ATXN10: variants seen among roughly 807,000 people sequenced by gnomAD.
The protein encoded by ATXN10 is ataxin-10.
ATXN10 carries 28 observed loss-of-function variants against 52.9 expected under a neutral mutation model. That is an observed-to-expected ratio of 0.53 (90% CI 0.39 to 0.73). The LOEUF is 0.73. ATXN10 is among the 30% of genes least tolerant of loss of function. ATXN10 has a pLI of 0.00. For missense variants in ATXN10, 565 were observed against 577.0 expected (o/e 0.98, Z 0.21); for synonymous variants, 226 against 221.5 (o/e 1.02, Z -0.18).
At chr22:45,691,063 G>C (rs1923354885) in intron 2 of ATXN10, among the ~76,000 whole-genome samples, 1 of 152,214 alleles carries the variant, frequency 6.6e-6, no homozygotes. Context: ...AGGGTAAAAA[G>C]TGAGTCGTGT....
chr22:45,724,482 A>G (rs1405360154), intron 6 of ATXN10, among the ~76,000 whole-genome samples: 4 of 151,886 alleles, frequency 2.6e-5, no homozygotes, highest in East Asian at 1.9e-4. Flanking sequence ...GGAAATGTCT[A>G]TTCATGTCAT....
At position 45,750,468 on chromosome 22, in the gene ATXN10, A is replaced by C. The variant is rs1271582026; in HGVS notation, c.1173+9930A>C. 6.6e-6 allele frequency among the ~76,000 whole-genome samples: 1 copy of C among 152,204 alleles called. No individual in the cohort carries two copies. Among genetic ancestry groups the C allele is most frequent in the African/African-American group, 2.4e-5 (1 of 41,452 alleles). ...TATTTCACAGTATCCAAAAAGAAGA[A>C]TATCTGAGACTTGGGTGAGGGGAAA... is the stretch of plus-strand genomic sequence containing the variant. On this transcript the variant is annotated intron_variant, in intron 9 of 11. Coordinates refer to ENST00000252934, the MANE Select transcript of ATXN10 (RefSeq NM_013236.4). This position sits in a 1 kb window ranked among gnomAD's most constrained non-coding sequence, Gnocchi z 4.2.
At chr22:45,815,756 C>T (rs1014914901) in intron 10 of ATXN10, among the ~76,000 whole-genome samples, 2 of 152,088 alleles carry the variant, frequency 1.3e-5, no homozygotes, top group African/African-American at 4.8e-5. Flanking sequence ...GGGTGTAAAC[C>T]CAGCTTTCTC....
chr22:45,773,130 C>T (rs1926831921), intron 9 of ATXN10, among the ~76,000 whole-genome samples: 1 of 152,126 alleles, frequency 6.6e-6, no homozygotes, highest in Non-Finnish European at 1.5e-5. Flanking sequence ...TTAAAAATAG[C>T]CAGTTCCTGG....
intron 10 of ATXN10, among the ~76,000 whole-genome samples, chr22:45,834,380 T>TC (rs1434767825): frequency 6.6e-6 from 1 of 152,110 alleles, no homozygotes; most frequent in Non-Finnish European, 1.5e-5. Context: ...CATTCATAAA[T>TC]CCCCTATCGT....
At position 45,705,085 on chromosome 22, in the gene ATXN10, A is replaced by G. The variant is rs1923988438; in HGVS notation, c.647+2238A>G. On this transcript the variant is annotated intron_variant, in intron 5 of 11. Transcript: ENST00000252934. This position sits in a 1 kb window ranked among gnomAD's most constrained non-coding sequence, Gnocchi z 5.2. ...TCTAACAGTGATTTTTATACTTTAA[A>G]TCAACTTTGGATTCCTGAGATAAAT... Among the ~76,000 whole-genome samples the G allele has an allele frequency of 1.3e-5, 2 of 152,332 alleles. No homozygotes were observed. The highest frequency in any genetic ancestry group is 4.8e-5 in the African/African-American group (2 of 41,584).
intron 7 of ATXN10, among the ~76,000 whole-genome samples, chr22:45,736,341 A>T (rs1214837353): frequency 2.6e-5 from 4 of 152,236 alleles, no homozygotes; most frequent in African/African-American, 9.6e-5. Context: ...AGGAGTTTTC[A>T]GACACAAGTA....
rs1926490143 is a variant in ATXN10 at position 45,763,958 on chromosome 22, G to A, written c.1173+23420G>A. ...TTATCTAAGGCTGCTACGTGTTATT[G>A]GAGAAAATTATAATACCTGACTTGT... On this transcript the variant is annotated intron_variant, in intron 9 of 11. Transcript: ENST00000252934. The surrounding 1 kb of genome is among the most constrained non-coding windows in gnomAD (Gnocchi z 6.9). Among the ~76,000 whole-genome samples, 3 of 151,316 alleles carry A rather than the reference G, an allele frequency of 2.0e-5. No homozygotes were observed.
At chr22:45,796,646 A>G (rs1317372178) in intron 9 of ATXN10, among the ~76,000 whole-genome samples, 1 of 152,194 alleles carries the variant, frequency 6.6e-6, no homozygotes, top group Non-Finnish European at 1.5e-5. Context: ...AATAGAAAAG[A>G]ACCTACGTTG....
chr22:45,736,374 A>T (rs562109292), intron 7 of ATXN10, among the ~76,000 whole-genome samples: 1 of 152,288 alleles, frequency 6.6e-6, no homozygotes, highest in Non-Finnish European at 1.5e-5. Flanking sequence ...AACATCTAAA[A>T]TAACTAATAA....
At chr22:45,693,254 G>T (rs571547041) in intron 3 of ATXN10, among the ~76,000 whole-genome samples, 176 bp downstream of exon 3, 1 of 152,268 alleles carries the variant, frequency 6.6e-6, no homozygotes, top group East Asian at 1.9e-4. Context: ...TTCCTGAATG[G>T]CTGAATTTTG....
At position 45,693,227 on chromosome 22, in the gene ATXN10, A is replaced by G. The variant is rs185706684; in HGVS notation, c.391+149A>G. The stretch of plus-strand genomic sequence containing the variant: ...ATAGTGAATTATTAAAGAATTATAA[A>G]GTTGTATCAACTTCCCTTCCTGAAT... On this transcript the variant is annotated intron_variant, in intron 3 of 11. Coordinates refer to ENST00000252934, the MANE Select transcript of ATXN10 (RefSeq NM_013236.4). 3,134 of 738,174 alleles carry G rather than the reference A, an allele frequency of 4.2e-3. 15 individuals are homozygous for G. The highest frequency in any genetic ancestry group is 0.01 in the South Asian group (628 of 60,854). 45.7% of individuals were successfully genotyped at this position (738,174 alleles called of 1,614,324 possible).
chr22:45,764,009 C>T (rs1474973538), intron 9 of ATXN10, among the ~76,000 whole-genome samples: 1 of 152,088 alleles, frequency 6.6e-6, no homozygotes, highest in African/African-American at 2.4e-5. Flanking sequence ...ATTCGGCCAG[C>T]CAGTTTCTCC....
Position 45,700,288 on chromosome 22 carries a change from G to A in ATXN10, c.398G>A (p.Arg133His), listed in dbSNP as rs751612343. ...VEQESLLTAF[R>H]CGLQFLGNIA... is the part of the protein sequence containing the mutation. ...AACTTTTATATATTCTTAGCTTTTCGCTGTGGCCTGCAGTTTTTAGGCAAC... is the reference window on the plus strand; with the variant it reads ...AACTTTTATATATTCTTAGCTTTTCACTGTGGCCTGCAGTTTTTAGGCAAC... The change falls in exon 4 of 12, where the codon CGC (arginine) becomes CAC (histidine). Residue 133 changes from arginine to histidine, a missense_variant. Coordinates refer to ENST00000252934, the MANE Select transcript of ATXN10 (RefSeq NM_013236.4). 16 of 1,608,726 alleles carry A rather than the reference G, an allele frequency of 9.9e-6. No individual in the cohort carries two copies. Among genetic ancestry groups the A allele is most frequent in the East Asian group, 8.9e-5 (4 of 44,864 alleles).
At chr22:45,809,210 T>G (rs1928200885) in intron 10 of ATXN10, among the ~76,000 whole-genome samples, 1 of 152,224 alleles carries the variant, frequency 6.6e-6, no homozygotes, top group African/African-American at 2.4e-5. Flanking sequence ...AAAATTCACC[T>G]TATTCCCTAG....
intron 9 of ATXN10, among the ~76,000 whole-genome samples, chr22:45,802,868 C>T (rs985239611): frequency 2.0e-5 from 3 of 151,934 alleles, no homozygotes; most frequent in South Asian, 2.1e-4. Flanking sequence ...TAATAAATCC[C>T]GAATACTTTT....
At position 45,843,005 on chromosome 22, in the gene ATXN10, G is replaced by A. The variant is rs375380090; in HGVS notation, c.1252G>A (p.Val418Met). ...SDSNPFLTQW[V>M]IYAIRNLTED... ...TCTGGCTCCAGTTCTGACCCAGTGG[G>A]TGATATATGCCATCCGAAACCTTAC... Residue 418 changes from valine (V) to methionine (M), a missense_variant, in exon 11 of 12, where the codon GTG (valine) becomes ATG (methionine). Coordinates refer to ENST00000252934, the MANE Select transcript of ATXN10 (RefSeq NM_013236.4). The surrounding 1 kb of genome is among the most constrained non-coding windows in gnomAD (Gnocchi z 4.5). 4 of 1,614,152 alleles carry A rather than the reference G, an allele frequency of 2.5e-6. No individual in the cohort carries two copies. Among genetic ancestry groups the A allele is most frequent in the Non-Finnish European group, 3.4e-6 (4 of 1,180,030 alleles).
rs909586062 is a variant in ATXN10, at chr22:45,708,709, G to C, written c.647+5862G>C. On this transcript the variant is annotated intron_variant, in intron 5 of 11. Coordinates refer to ENST00000252934, the MANE Select transcript of ATXN10 (RefSeq NM_013236.4). The surrounding 1 kb of genome is among the most constrained non-coding windows in gnomAD (Gnocchi z 5.3). ...GGCTGGAGTGCAGTGGTGTGATCTT[G>C]ACTCACTGCAACCTCTGCCTCCCGG... 6.6e-6 allele frequency among the ~76,000 whole-genome samples: 1 copy of C among 152,138 alleles called. No homozygotes were observed. The highest frequency in any genetic ancestry group is 1.5e-5 in the Non-Finnish European group (1 of 68,018).
At chr22:45,740,965 A>G (rs1004086294) in intron 9 of ATXN10, among the ~76,000 whole-genome samples, 1 of 152,144 alleles carries the variant, frequency 6.6e-6, no homozygotes, top group African/African-American at 2.4e-5. Context: ...ATAATATTTA[A>G]GTATGAAGTC....
Sources: allele counts gnomAD v4.1 joint callset (sites outside exome capture counted in the v4.1 genomes callset), GRCh38; gene constraint gnomAD v4.1.1; non-coding constraint Gnocchi (gnomAD v3.1); transcripts MANE v1.5; gene names NCBI Gene and HGNC (gene_info 2026-07-23, HGNC 2026-07-21).